The following DPP9 variants were observed in gnomAD, a reference collection of about 807,000 sequenced individuals.
DPP9 encodes dipeptidyl peptidase IV-related protein-2.
In DPP9, 50 loss-of-function variants were observed where a neutral mutation model predicts 110.7. The ratio of observed to expected loss-of-function variants is 0.45; its 90% CI spans 0.36 to 0.57. The LOEUF (loss-of-function observed/expected upper bound fraction) is 0.57, where lower values mean the gene tolerates loss of function less well. Ranked by LOEUF, DPP9 falls within the 20% of genes least tolerant of loss-of-function variation. DPP9 has a pLI of 0.00. For missense variants in DPP9, 1,022 were observed against 1,217.9 expected (o/e 0.84, Z 2.39); for synonymous variants, 561 against 514.4 (o/e 1.09, Z -1.23).
Position 4,684,263 on chromosome 19 carries a change from G to A in DPP9, c.2178+400C>T, listed in dbSNP as rs2090362631. Reference sequence around the variant, plus strand: ...GGAGGGTTGCTGACCAGGCAACCTCGTGGGAACAGAGAGCAGCCCTCCCCG... The same window carrying A: ...GGAGGGTTGCTGACCAGGCAACCTCATGGGAACAGAGAGCAGCCCTCCCCG... On this transcript the variant is annotated intron_variant, in intron 18 of 21. Transcript: ENST00000262960. The surrounding 1 kb of genome is among the most constrained non-coding windows in gnomAD (Gnocchi z 4.8). 1 of 271,084 alleles carries A rather than the reference G, an allele frequency of 3.7e-6. No individual in the cohort carries two copies. The highest frequency in any genetic ancestry group is 2.2e-5 in the African/African-American group (1 of 45,168). 16.8% of individuals were successfully genotyped at this position (271,084 alleles called of 1,614,324 possible). A position where few individuals can be genotyped will look rare whatever the true frequency, so the allele number is the denominator to read the frequency against.
intron 13 of DPP9, 54 bp from the exon 14 acceptor site, chr19:4,691,011 C>T: frequency 7.0e-7 from 1 of 1,431,256 alleles, no homozygotes; most frequent in South Asian, 1.2e-5. Flanking sequence ...ATGCAGGCGC[C>T]CAAAGGCACC....
At position 4,694,620 on chromosome 19, in the gene DPP9, C is replaced by T; in HGVS notation, c.1516+41G>A. 1 of 1,589,606 alleles carries T rather than the reference C, an allele frequency of 6.3e-7. No individual in the cohort carries two copies. The highest frequency in any genetic ancestry group is 2.3e-5 in the East Asian group (1 of 43,852). On this transcript the variant is annotated intron_variant, in intron 13 of 21. Transcript: ENST00000262960. This position sits in a 1 kb window ranked among gnomAD's most constrained non-coding sequence, Gnocchi z 4.0. ...AAACAGCATATTGAACCACACGTGA[C>T]TAACGCGATGAGTCGACAGCATTCG...
rs994644218 is a variant in DPP9 at position 4,676,300 on chromosome 19, G to A, written c.*264C>T. On this transcript the variant is annotated 3_prime_UTR_variant, in exon 22 of 22. Coordinates refer to ENST00000262960, the MANE Select transcript of DPP9 (RefSeq NM_139159.5). The surrounding 1 kb of genome is among the most constrained non-coding windows in gnomAD (Gnocchi z 4.0). ...ATCAGCGTGTGACCTCCTCCTCCCA[G>A]AAGGCGGGGAGAGGAGGGGCTGGCC... 14 of 510,164 alleles carry A rather than the reference G, an allele frequency of 2.7e-5. No homozygotes were observed. The highest frequency in any genetic ancestry group is 4.3e-5 in the Non-Finnish European group (12 of 278,954). The allele number at this position is 510,164 out of a possible 1,614,324, so 31.6% of individuals were successfully genotyped here.
chr19:4,690,821 A>G, intron 14 of DPP9, 57 bp downstream of exon 14: 2 of 1,336,140 alleles, frequency 1.5e-6, no homozygotes, highest in Non-Finnish European at 1.1e-6. Flanking sequence ...GTGTGAGTGT[A>G]TGTGTGTAAA....
chr19:4,689,436 C>A lies in DPP9; in HGVS notation c.1749+134G>T. 8.3e-7 allele frequency: 1 copy of A among 1,206,742 alleles called. No individual in the cohort carries two copies. Among genetic ancestry groups the A allele is most frequent in the Non-Finnish European group, 1.1e-6 (1 of 881,772 alleles). The allele number at this position is 1,206,742 out of a possible 1,614,324, so 74.8% of individuals were successfully genotyped here. A position where few individuals can be genotyped will look rare whatever the true frequency, so the allele number is the denominator to read the frequency against. On this transcript the variant is annotated intron_variant, in intron 15 of 21. Transcript: ENST00000262960. The surrounding 1 kb of genome is among the most constrained non-coding windows in gnomAD (Gnocchi z 7.0). ...ACCCAGGAGGCAGGGGTGGGCACTG[C>A]CTGCCCCAAGGCAGCTATGAGAATG...
Position 4,689,027 on chromosome 19 carries a change from A to G in DPP9, c.1750-135T>C, listed in dbSNP as rs1464987615. The stretch of plus-strand genomic sequence containing the variant: ...GCCCCTGCCTGTCATGAAACCTCAA[A>G]GCTCCACCCGCTGCTGCAAGGGGGG... On this transcript the variant is annotated intron_variant, in intron 15 of 21. Coordinates refer to ENST00000262960, the MANE Select transcript of DPP9 (RefSeq NM_139159.5). The surrounding 1 kb of genome is among the most constrained non-coding windows in gnomAD (Gnocchi z 7.0). 1 of 1,116,952 alleles carries G rather than the reference A, an allele frequency of 9.0e-7. No homozygotes were observed. The highest frequency in any genetic ancestry group is 1.7e-5 in the African/African-American group (1 of 59,272). The allele number at this position is 1,116,952 out of a possible 1,614,324, so 69.2% of individuals were successfully genotyped here.
chr19:4,676,907 T>C lies in DPP9; in HGVS notation c.2587-251A>G, dbSNP rs759592224. Among the ~76,000 whole-genome samples the C allele has an allele frequency of 2.6e-5, 4 of 152,200 alleles. No individual in the cohort carries two copies. The highest frequency in any genetic ancestry group is 5.9e-5 in the Non-Finnish European group (4 of 68,038). ...ACAAAGTTTACAAAACGCCTTGCGG[T>C]GTGCACGCGCTTGCACAGAGGAAAG... is the stretch of plus-strand genomic sequence containing the variant. On this transcript the variant is annotated intron_variant, in intron 21 of 21. Coordinates refer to ENST00000262960, the MANE Select transcript of DPP9 (RefSeq NM_139159.5). This position sits in a 1 kb window ranked among gnomAD's most constrained non-coding sequence, Gnocchi z 4.0.
Position 4,684,855 on chromosome 19 carries a change from G to C in DPP9, c.2032-46C>G, listed in dbSNP as rs754822105. 6.4e-6 allele frequency: 10 copies of C among 1,561,988 alleles called. No individual in the cohort carries two copies. In the African/African-American group the frequency reaches 1.4e-4, roughly 21 times the overall value. ...GCAGTCCAGCACGAGATGCCGGGCAGGACGGGCCTGGCAGGGGAGATGCCG... is the reference window on the plus strand; with the variant it reads ...GCAGTCCAGCACGAGATGCCGGGCACGACGGGCCTGGCAGGGGAGATGCCG... On this transcript the variant is annotated intron_variant, in intron 17 of 21. Transcript: ENST00000262960. This position sits in a 1 kb window ranked among gnomAD's most constrained non-coding sequence, Gnocchi z 4.8.
In DPP9 at chr19:4,689,734, C is replaced by G. The variant is rs1001206765; in HGVS notation, c.1597-12G>C. 6.5e-7 allele frequency: 1 copy of G among 1,542,318 alleles called. No homozygotes were observed. The highest frequency in any genetic ancestry group is 8.8e-7 in the Non-Finnish European group (1 of 1,140,670). On this transcript the variant is annotated splice_polypyrimidine_tract_variant and intron_variant, in intron 14 of 21. Coordinates refer to ENST00000262960, the MANE Select transcript of DPP9 (RefSeq NM_139159.5). This position sits in a 1 kb window ranked among gnomAD's most constrained non-coding sequence, Gnocchi z 7.0. ...TCATTGACCCAGATCTGCAGGGGGA[C>G]AGGGGATCCTCGTGATGCGTCCCAG... is the stretch of plus-strand genomic sequence containing the variant.
chr19:4,702,362 A>G (rs2092316092), intron 8 of DPP9, among the ~76,000 whole-genome samples: 1 of 152,182 alleles, frequency 6.6e-6, no homozygotes, highest in Non-Finnish European at 1.5e-5. Flanking sequence ...GAAGCAGAGC[A>G]GGGCTACTCC....
chr19:4,720,940 T>G (rs981603630), intron 2 of DPP9, among the ~76,000 whole-genome samples: 4 of 152,130 alleles, frequency 2.6e-5, no homozygotes, highest in African/African-American at 9.7e-5. Flanking sequence ...CCCTCCCCAC[T>G]CAGGGTGAGG....
chr19:4,676,759 G>T lies in DPP9; in HGVS notation c.2587-103C>A. 3 of 895,404 alleles carry T rather than the reference G, an allele frequency of 3.4e-6. No homozygotes were observed. Among genetic ancestry groups the T allele is most frequent in the South Asian group, 1.4e-5 (1 of 70,210 alleles). 55.5% of individuals were successfully genotyped at this position (895,404 alleles called of 1,614,324 possible). On this transcript the variant is annotated intron_variant, in intron 21 of 21. Coordinates refer to ENST00000262960, the MANE Select transcript of DPP9 (RefSeq NM_139159.5). The surrounding 1 kb of genome is among the most constrained non-coding windows in gnomAD (Gnocchi z 4.0). ...TCAGGGCATCCGGGAAGGCGCAGGTGCTCTGAGGCCCAGTGATCTGGGTTT... is the reference window on the plus strand; with the variant it reads ...TCAGGGCATCCGGGAAGGCGCAGGTTCTCTGAGGCCCAGTGATCTGGGTTT...
chr19:4,702,623 C>A lies in DPP9; in HGVS notation c.863G>T (p.Cys288Phe). The A allele has an allele frequency of 6.2e-7, 1 of 1,601,284 alleles. No homozygotes were observed. Among genetic ancestry groups the A allele is most frequent in the Non-Finnish European group, 8.5e-7 (1 of 1,174,256 alleles). ...EFDRFTGYWW[C>F]PTASWEGSEG... The stretch of plus-strand genomic sequence containing the variant: ...CCTACCTTCCCAGGAGGCTGTGGGG[C>A]ACCACCAGTACCCAGTGAAGCGGTC... The change falls in exon 8 of 22, where the codon TGC becomes TTC. Residue 288 changes from cysteine (C) to phenylalanine (F), a missense_variant. By Grantham distance (205) the Cys-to-Phe change is radical. Around this residue, in one of 3 missense-constraint regions of DPP9, gnomAD observed 810 missense variants for 920.6 expected, o/e 0.88. Coordinates refer to ENST00000262960, the MANE Select transcript of DPP9 (RefSeq NM_139159.5).
At position 4,704,370 on chromosome 19, in the gene DPP9, A is replaced by T; in HGVS notation, c.427-66T>A. On this transcript the variant is annotated intron_variant, in intron 5 of 21. Coordinates refer to ENST00000262960, the MANE Select transcript of DPP9 (RefSeq NM_139159.5). This position sits in a 1 kb window ranked among gnomAD's most constrained non-coding sequence, Gnocchi z 6.0. ...AAGAGGATCTCCCGCTGGCCAGGGC[A>T]GAGATCCTCGGGCTGGGGCATTCCC... 3.9e-6 allele frequency: 6 copies of T among 1,549,826 alleles called. No homozygotes were observed. Among genetic ancestry groups the T allele is most frequent in the Non-Finnish European group, 5.3e-6 (6 of 1,141,144 alleles).
Position 4,682,970 on chromosome 19 carries a change from CAAGG to C in DPP9, c.2332-136_2332-133del. On this transcript the variant is annotated intron_variant, in intron 19 of 21. Transcript: ENST00000262960. The surrounding 1 kb of genome is among the most constrained non-coding windows in gnomAD (Gnocchi z 7.1). Reference sequence around the variant, plus strand: ...GGAGCGCTCATGCACATGGGGCCGGCAAGGAAGGGGCCCTCAGACCGCGTGGCCC... The same window carrying C: ...GGAGCGCTCATGCACATGGGGCCGGCAAGGGGCCCTCAGACCGCGTGGCCC... The C allele has an allele frequency of 6.5e-7, 1 of 1,533,172 alleles. No homozygotes were observed. Among genetic ancestry groups the C allele is most frequent in the Non-Finnish European group, 8.7e-7 (1 of 1,145,844 alleles). The allele number at this position is 1,533,172 out of a possible 1,614,324, so 95.0% of individuals were successfully genotyped here.
At chr19:4,679,180 C>T (rs923488566) in intron 21 of DPP9, 3 of 152,416 alleles carry the variant, frequency 2.0e-5, no homozygotes, top group African/African-American at 4.8e-5. Context: ...CGAGGCCAAC[C>T]ATTTACTGCG....
At position 4,704,158 on chromosome 19, in the gene DPP9, G is replaced by A; in HGVS notation, c.573C>T (p.Cys191=). The change falls in exon 6 of 22, where the codon TGC becomes TGT. Residue 191 remains cysteine, a synonymous_variant. Coordinates refer to ENST00000262960, the MANE Select transcript of DPP9 (RefSeq NM_139159.5). The surrounding 1 kb of genome is among the most constrained non-coding windows in gnomAD (Gnocchi z 6.0). ...LFQASNSLFH[C]RDGGKNGFMV... Reference sequence around the variant, plus strand: ...TGAAGCCGTTCTTGCCGCCGTCGCGGCAGTGGAAGAGGCTGTTGCTGGCCT... The same window carrying A: ...TGAAGCCGTTCTTGCCGCCGTCGCGACAGTGGAAGAGGCTGTTGCTGGCCT... 1 of 1,614,002 alleles carries A rather than the reference G, an allele frequency of 6.2e-7. No individual in the cohort carries two copies. Among genetic ancestry groups the A allele is most frequent in the Non-Finnish European group, 8.5e-7 (1 of 1,179,904 alleles).
At chr19:4,691,989 T>C (rs774835407) in intron 13 of DPP9, among the ~76,000 whole-genome samples, 2 of 151,982 alleles carry the variant, frequency 1.3e-5, no homozygotes, top group Middle Eastern at 3.4e-3. Context: ...ACTTTTTTTG[T>C]GGGGGCGAGG....
rs775947388 is a variant in DPP9 at position 4,698,422 on chromosome 19, G to C, written c.1075-771C>G. 6.6e-6 allele frequency among the ~76,000 whole-genome samples: 1 copy of C among 152,156 alleles called. No homozygotes were observed. The highest frequency in any genetic ancestry group is 1.5e-5 in the Non-Finnish European group (1 of 68,036). ...TTGGCATCACCCCAGCCCACCTAAG[G>C]ACTCTGCACGTCTGAGAGTGCAAGG... On this transcript the variant is annotated intron_variant, in intron 10 of 21. Transcript: ENST00000262960. The surrounding 1 kb of genome is among the most constrained non-coding windows in gnomAD (Gnocchi z 4.2).
Sources: gnomAD v4.1 joint callset for allele counts (sites outside exome capture counted in the v4.1 genomes callset) on GRCh38, gnomAD v4.1.1 for gene constraint, gnomAD v4.1.1 regional missense constraint, Gnocchi (gnomAD v3.1) non-coding constraint, MANE v1.5 for transcripts, NCBI Gene and HGNC (gene_info 2026-07-23, HGNC 2026-07-21) for gene names.